PPP1R12B: variants seen among roughly 807,000 people sequenced by gnomAD.
The protein encoded by PPP1R12B is protein phosphatase 1 regulatory subunit 12B.
Under a neutral mutation model 126.1 loss-of-function variants are expected in PPP1R12B, and 76 were observed. The ratio of observed to expected loss-of-function variants is 0.60; its 90% CI spans 0.50 to 0.73. PPP1R12B has a LOEUF of 0.73. PPP1R12B is among the 30% of genes least tolerant of loss of function. PPP1R12B has a pLI of 0.00. For synonymous variants in PPP1R12B, 356 were observed against 434.7 expected (o/e 0.82, Z 2.25); for missense variants, 1,052 against 1,205.1 (o/e 0.87, Z 1.88).
chr1:202,502,148 G>A, intron 18 of PPP1R12B: 1 of 985,206 alleles, frequency 1.0e-6, no homozygotes. Flanking sequence ...CAATGTAGCT[G>A]TCCCCATCCA....
intron 10 of PPP1R12B, chr1:202,439,496 G>A: frequency 6.6e-7 from 1 of 1,525,678 alleles, no homozygotes; most frequent in South Asian, 1.2e-5. Flanking sequence ...GCCCATGGAA[G>A]TGGCTGTTTG....
At chr1:202,431,774 T>C (rs953965828) in intron 8 of PPP1R12B, among the ~76,000 whole-genome samples, 155 bp downstream of exon 8, 3 of 152,182 alleles carry the variant, frequency 2.0e-5, no homozygotes, top group African/African-American at 4.8e-5. Flanking sequence ...GACCACCTGA[T>C]ATAAAAACTG....
At position 202,428,865 on chromosome 1, in the gene PPP1R12B, C is replaced by T. The variant is rs1669870540; in HGVS notation, c.857C>T (p.Pro286Leu). ...MDIRNKLGQT[P>L]FDVADEGLVE... ...CCTTTTCTCTGCCAGGGCCAGACAC[C>T]ATTTGATGTGGCTGATGAGGGTCTC... Residue 286 changes from proline (P) to leucine (L), a missense_variant, in exon 6 of 24, where the codon CCA becomes CTA. By Grantham distance (98) the Pro-to-Leu change is moderately conservative (BLOSUM62 -3). Coordinates refer to ENST00000608999, the MANE Select transcript of PPP1R12B (RefSeq NM_002481.4). The T allele has an allele frequency of 6.2e-7, 1 of 1,606,314 alleles. No homozygotes were observed. The highest frequency in any genetic ancestry group is 8.5e-7 in the Non-Finnish European group (1 of 1,176,828).
chr1:202,566,618 A>ACAGTG (rs1281164239), intron 21 of PPP1R12B, among the ~76,000 whole-genome samples: 1 of 152,264 alleles, frequency 6.6e-6, no homozygotes, highest in Non-Finnish European at 1.5e-5. Flanking sequence ...CCTCAGGCTT[A>ACAGTG]GGAAAGAAAG....
At chr1:202,398,763 T>TC (rs1558177333) in intron 1 of PPP1R12B, among the ~76,000 whole-genome samples, 2 of 152,158 alleles carry the variant, frequency 1.3e-5, no homozygotes, top group Non-Finnish European at 2.9e-5. Context: ...CCCAAGTAAC[T>TC]CTGTTTTAGT....
At chr1:202,427,939 C>T (rs1455600990) in intron 5 of PPP1R12B, among the ~76,000 whole-genome samples, 1 of 151,958 alleles carries the variant, frequency 6.6e-6, no homozygotes, top group African/African-American at 2.4e-5. Flanking sequence ...CATGAGCCAC[C>T]ATGCCCAGCT....
chr1:202,545,571 G>T lies in PPP1R12B; in HGVS notation c.2491-13306G>T, dbSNP rs192183463. ...TTTTATGAGCATCTGCTTTGTAGTA[G>T]GCTTTATATTGGACACCAGTATTCA... On this transcript the variant is annotated intron_variant, in intron 18 of 23. Transcript: ENST00000608999. 2.3e-3 allele frequency among the ~76,000 whole-genome samples: 348 copies of T among 152,286 alleles called. 1 individual carries two copies. The highest frequency in any genetic ancestry group is 8.1e-3 in the African/African-American group (335 of 41,538).
intron 10 of PPP1R12B, chr1:202,438,936 C>A: frequency 1.3e-6 from 2 of 1,532,524 alleles, no homozygotes; most frequent in Middle Eastern, 1.8e-4. Flanking sequence ...ACCCCGAAGA[C>A]GGCCGTGGAC....
intron 21 of PPP1R12B, among the ~76,000 whole-genome samples, chr1:202,566,433 C>T (rs1688055586): frequency 6.6e-6 from 1 of 152,194 alleles, no homozygotes; most frequent in African/African-American, 2.4e-5. Context: ...GGGAGGGCTT[C>T]TCAGCCTCAC....
At chr1:202,471,364 CT>C (rs1330374717) in intron 13 of PPP1R12B, among the ~76,000 whole-genome samples, 1 of 150,708 alleles carries the variant, frequency 6.6e-6, no homozygotes, top group Non-Finnish European at 1.5e-5. Context: ...TTTTCTTCCC[CT>C]AATACTAATG....
In PPP1R12B at chr1:202,437,955, C is replaced by T. The variant is rs368707580; in HGVS notation, c.1389C>T (p.Asp463=). ...CCAATTCCAGGGAACCTATAAGGGA[C>T]CGAGGCTCTTCCATCTATCGCTCCT... ...EVANSREPIR[D]RGSSIYRSSS... Residue 463 remains aspartate, a synonymous_variant, in exon 10 of 24, where the codon GAC becomes GAT. Transcript: ENST00000608999. 8.1e-6 allele frequency: 13 copies of T among 1,613,986 alleles called. No individual in the cohort carries two copies. The highest frequency in any genetic ancestry group is 5.3e-5 in the African/African-American group (4 of 74,884).
chr1:202,356,506 G>A (rs1657129801), intron 1 of PPP1R12B, among the ~76,000 whole-genome samples: 2 of 152,168 alleles, frequency 1.3e-5, no homozygotes, highest in African/African-American at 2.4e-5. Flanking sequence ...TTACCTTACA[G>A]GGTAAAAGAG....
chr1:202,455,781 A>G (rs1290710780), intron 13 of PPP1R12B, among the ~76,000 whole-genome samples: 1 of 152,234 alleles, frequency 6.6e-6, no homozygotes, highest in Non-Finnish European at 1.5e-5. Flanking sequence ...TTAAGCAAAA[A>G]GTACCATGAC....
rs1009469107 is a variant in PPP1R12B, at chr1:202,521,016, A to G, written c.2490+24194A>G. On this transcript the variant is annotated intron_variant, in intron 18 of 23. Coordinates refer to ENST00000608999, the MANE Select transcript of PPP1R12B (RefSeq NM_002481.4). ...GCACAATACAAATAGGAGCTGGGCT[A>G]ATCTAACTTATCCCAGCAGTGTCAC... Among the ~76,000 whole-genome samples, 5 of 152,242 alleles carry G rather than the reference A, an allele frequency of 3.3e-5. No homozygotes were observed. The East Asian group carries it at 5.8e-4, about 18-fold the overall frequency.
chr1:202,395,421 A>C (rs1008199350), intron 1 of PPP1R12B, among the ~76,000 whole-genome samples: 11 of 152,158 alleles, frequency 7.2e-5, no homozygotes, highest in African/African-American at 2.4e-4. Flanking sequence ...TCCCTCATTC[A>C]TCAAAGACTT....
chr1:202,425,541 G>A, intron 3 of PPP1R12B, 25 bp from the exon 4 acceptor site: 1 of 1,609,938 alleles, frequency 6.2e-7, no homozygotes, highest in Non-Finnish European at 8.5e-7. Flanking sequence ...AGTAATCCTG[G>A]CTGTCTGGTA....
At chr1:202,525,407 A>G (rs1683214742) in intron 18 of PPP1R12B, among the ~76,000 whole-genome samples, 1 of 152,124 alleles carries the variant, frequency 6.6e-6, no homozygotes, top group Non-Finnish European at 1.5e-5. Context: ...GTATCATGAA[A>G]GAGGTAGTTG....
At chr1:202,531,406 T>C (rs1415808456) in intron 18 of PPP1R12B, among the ~76,000 whole-genome samples, 1 of 152,178 alleles carries the variant, frequency 6.6e-6, no homozygotes, top group African/African-American at 2.4e-5. Context: ...TGGAGATCTT[T>C]TTAGTGATAC....
intron 10 of PPP1R12B, chr1:202,439,471 A>G: frequency 6.8e-7 from 1 of 1,468,344 alleles, no homozygotes; most frequent in Non-Finnish European, 9.4e-7. Context: ...TGCCCCGGCA[A>G]GGGTGCCTGG....
Sources: gnomAD v4.1 joint callset for allele counts (sites outside exome capture counted in the v4.1 genomes callset) on GRCh38, gnomAD v4.1.1 for gene constraint, MANE v1.5 for transcripts, NCBI Gene and HGNC (gene_info 2026-07-23, HGNC 2026-07-21) for gene names.